PIGN: variants seen among roughly 807,000 people sequenced by gnomAD.
PIGN encodes the protein GPI ethanolamine phosphate transferase 1.
Under a neutral mutation model 125.4 loss-of-function variants are expected in PIGN, and 117 were observed. The observed-to-expected ratio is 0.93, with a 90% confidence interval of 0.80 to 1.09. The LOEUF (loss-of-function observed/expected upper bound fraction) is 1.09, where lower values mean the gene tolerates loss of function less well. Among genes scored for constraint, PIGN ranks in the 50% least tolerant of loss-of-function variants. The pLI is 0.00. For synonymous variants in PIGN, 392 were observed against 377.8 expected (o/e 1.04, Z -0.44); for missense variants, 1,075 against 1,094.9 (o/e 0.98, Z 0.26).
At chr18:62,039,752 G>A (rs1291406060), downstream of PIGN, among the ~76,000 whole-genome samples, 8 of 77,726 alleles carry the variant, frequency 1.0e-4, no homozygotes, top group Middle Eastern at 0.011. Context: ...CCCCATCCAG[G>A]GTGCCGCACC....
rs560101625 is a variant in PIGN at position 62,163,558 on chromosome 18, A to T, written c.-137T>A. Reference sequence around the variant, plus strand: ...TCCAGGTTTATCATCATCTGTTCAAAAAGATTTAGCTTTTAAGGAACATCT... The same window carrying T: ...TCCAGGTTTATCATCATCTGTTCAATAAGATTTAGCTTTTAAGGAACATCT... On this transcript the variant is annotated 5_prime_UTR_variant, in exon 2 of 31. Coordinates refer to ENST00000640252, the MANE Select transcript of PIGN (RefSeq NM_176787.5). The T allele has an allele frequency of 6.6e-6, 1 of 152,208 alleles. No individual in the cohort carries two copies. 9.4% of individuals were successfully genotyped at this position (152,208 alleles called of 1,614,324 possible). A position where few individuals can be genotyped will look rare whatever the true frequency, so the allele number is the denominator to read the frequency against.
rs755079390 is a variant in PIGN, at chr18:62,090,487, A to G, written c.2272T>C (p.Cys758Arg). 6.9e-6 allele frequency: 11 copies of G among 1,601,740 alleles called. No homozygotes were observed. The highest frequency in any genetic ancestry group is 1.3e-5 in the African/African-American group (1 of 74,570). ...QETLQQSGVCCKQKLTSIQFS... is the reference protein window; with the variant it reads ...QETLQQSGVCRKQKLTSIQFS... ...CTTTGACCAGCTACCTTTTGTTTAC[A>G]GCAAACACCAGATTGTTGTAGAGTT... The change falls in exon 24 of 31, where the codon TGT (cysteine) becomes CGT (arginine). Residue 758 changes from cysteine (C) to arginine (R), a missense_variant. By Grantham distance (180) the Cys-to-Arg change is radical. Around this residue, in one of 3 missense-constraint regions of PIGN, gnomAD observed 915 missense variants for 908.7 expected, o/e 1.01. Coordinates refer to ENST00000640252, the MANE Select transcript of PIGN (RefSeq NM_176787.5).
chr18:62,094,773 T>C (rs983054924), intron 23 of PIGN, among the ~76,000 whole-genome samples: 12 of 152,282 alleles, frequency 7.9e-5, no homozygotes, highest in Middle Eastern at 6.8e-3. Flanking sequence ...ATGACATTCA[T>C]ATCACATCTT....
intron 23 of PIGN, among the ~76,000 whole-genome samples, chr18:62,027,240 T>C (rs549529751): frequency 3.3e-5 from 5 of 152,218 alleles, no homozygotes; most frequent in African/African-American, 1.2e-4. Context: ...GAGGAGAAGA[T>C]CCCTTGAGCC....
chr18:62,023,660 T>C (rs185644086), intron 23 of PIGN, among the ~76,000 whole-genome samples: 1 of 152,350 alleles, frequency 6.6e-6, no homozygotes, highest in Admixed American at 6.5e-5. Context: ...TTTTGGGCTT[T>C]TTTGCTGCAA....
In PIGN at chr18:62,154,010, A is replaced by C. The variant is rs1288133808; in HGVS notation, c.549+535T>G. 3 of 152,480 alleles carry C rather than the reference A, an allele frequency of 2.0e-5. 1 individual carries two copies. The highest frequency in any genetic ancestry group is 6.5e-5 in the Admixed American group (1 of 15,280). 9.4% of individuals were successfully genotyped at this position (152,480 alleles called of 1,614,324 possible). A position where few individuals can be genotyped will look rare whatever the true frequency, so the allele number is the denominator to read the frequency against. On this transcript the variant is annotated intron_variant, in intron 7 of 30. Coordinates refer to ENST00000640252, the MANE Select transcript of PIGN (RefSeq NM_176787.5). Reference sequence around the variant, plus strand: ...TATAAATTATATCGTATTCCTCATGAAACTATGATAATTGTCATTATAAAA... The same window carrying C: ...TATAAATTATATCGTATTCCTCATGCAACTATGATAATTGTCATTATAAAA...
At chr18:62,145,070 C>T (rs1226427910) in intron 10 of PIGN, among the ~76,000 whole-genome samples, 1 of 151,952 alleles carries the variant, frequency 6.6e-6, no homozygotes, top group East Asian at 1.9e-4. Flanking sequence ...ATCATATCAC[C>T]CTAATTTTCT....
At chr18:62,091,431 C>A (rs2033953499) in intron 23 of PIGN, among the ~76,000 whole-genome samples, 2 of 152,144 alleles carry the variant, frequency 1.3e-5, no homozygotes, top group African/African-American at 4.8e-5. Context: ...GGAAGACCAT[C>A]TGATACTATG....
At chr18:62,180,674 G>T (rs570841713) in intron 1 of PIGN, among the ~76,000 whole-genome samples, 2 of 152,220 alleles carry the variant, frequency 1.3e-5, no homozygotes, top group South Asian at 2.1e-4. Flanking sequence ...CCTTTGATCA[G>T]ATAGGATTAG....
intron 30 of PIGN, among the ~76,000 whole-genome samples, chr18:62,065,283 C>T (rs946818210): frequency 2.6e-5 from 4 of 151,964 alleles, no homozygotes; most frequent in African/African-American, 9.7e-5. Context: ...AGAAGTTGTT[C>T]TGGGAATACT....
At chr18:62,091,372 T>C (rs2033950160) in intron 23 of PIGN, among the ~76,000 whole-genome samples, 1 of 152,104 alleles carries the variant, frequency 6.6e-6, no homozygotes, top group African/African-American at 2.4e-5. Flanking sequence ...GACAAGAATG[T>C]GATGAAAAAG....
chr18:62,135,600 T>C (rs1021522096), intron 14 of PIGN: 1 of 151,636 alleles, frequency 6.6e-6, no homozygotes, highest in Admixed American at 6.8e-5. Context: ...TTCTTTCTTT[T>C]CTTTTGTTTT....
chr18:62,112,820 T>C (rs1429151456), intron 16 of PIGN: 2 of 339,010 alleles, frequency 5.9e-6, no homozygotes, highest in Non-Finnish European at 1.1e-5. Flanking sequence ...TAGAAAGATA[T>C]GGAATACTTA....
rs575604426 is a variant in PIGN, at chr18:62,035,746, G to A, written c.2143-18005C>T. ...CTGTGTCCAAGTGTTCTCATTGTTCGATTCCCACCTATGAGTGAGAACATG... is the reference window on the plus strand; with the variant it reads ...CTGTGTCCAAGTGTTCTCATTGTTCAATTCCCACCTATGAGTGAGAACATG... On this transcript the variant is annotated intron_variant, in intron 23 of 24. Coordinates refer to the PIGN transcript ENST00000639600. 1.3e-4 allele frequency among the ~76,000 whole-genome samples: 19 copies of A among 148,812 alleles called. No individual in the cohort carries two copies. The East Asian group carries it at 1.6e-3, about 12-fold the overall frequency.
At chr18:62,176,011 T>C (rs181010842) in intron 1 of PIGN, among the ~76,000 whole-genome samples, 6 of 152,106 alleles carry the variant, frequency 3.9e-5, no homozygotes, top group East Asian at 1.9e-4. Context: ...AAATTTCAGA[T>C]AAAGAAAAGG....
rs1478334003 is a variant in PIGN at position 62,041,662 on chromosome 18, T to C, written c.*4194A>G. ...CCGGGTGTGTGTGTGTGTGTGTGTG[T>C]GTGTGTGTGTGTGTGTGTGTGTGTG... On this transcript the variant is annotated 3_prime_UTR_variant, in exon 31 of 31. Transcript: ENST00000640252. 4 of 142,258 alleles carry C rather than the reference T, an allele frequency of 2.8e-5. No homozygotes were observed. The highest frequency in any genetic ancestry group is 8.1e-5 in the African/African-American group (3 of 37,226). 8.8% of individuals were successfully genotyped at this position (142,258 alleles called of 1,614,324 possible). A position where few individuals can be genotyped will look rare whatever the true frequency, so the allele number is the denominator to read the frequency against.
At chr18:62,178,545 G>A (rs922423951) in intron 1 of PIGN, among the ~76,000 whole-genome samples, 1 of 150,906 alleles carries the variant, frequency 6.6e-6, no homozygotes, top group African/African-American at 2.4e-5. Context: ...TGAGGCGAGA[G>A]GATTGCTTGA....
At chr18:62,140,960 T>C (rs1231782796) in intron 11 of PIGN, among the ~76,000 whole-genome samples, 1 of 152,108 alleles carries the variant, frequency 6.6e-6, no homozygotes, top group Non-Finnish European at 1.5e-5. Context: ...CCAAATACCA[T>C]TTTGGATATC....
chr18:62,097,100 G>T (rs972115093), intron 22 of PIGN, among the ~76,000 whole-genome samples: 5 of 149,256 alleles, frequency 3.3e-5, no homozygotes, highest in Admixed American at 2.0e-4. Flanking sequence ...AAGAGCTTCT[G>T]CACAGCAAAA....
Sources: allele counts gnomAD v4.1 joint callset (sites outside exome capture counted in the v4.1 genomes callset), GRCh38; gene constraint gnomAD v4.1.1; regional missense constraint gnomAD v4.1.1; transcripts MANE v1.5; gene names NCBI Gene and HGNC (gene_info 2026-07-23, HGNC 2026-07-21).